MRPL3: variants seen among roughly 807,000 people sequenced by gnomAD.
MRPL3 encodes mitochondrial ribosomal protein L3.
A neutral mutation model predicts 44.3 loss-of-function variants in MRPL3; 43 were observed. The ratio of observed to expected loss-of-function variants is 0.97; its 90% confidence interval spans 0.76 to 1.25. The LOEUF is 1.25. Ranked by LOEUF, MRPL3 falls within the 50% of genes most tolerant of loss-of-function variation. MRPL3 has a pLI of 0.00. For synonymous variants in MRPL3, 171 were observed against 152.3 expected (o/e 1.12, Z -0.91); for missense variants, 406 against 427.6 (o/e 0.95, Z 0.45).
At chr3:131,501,809 T>A (rs1158070991) in intron 1 of MRPL3, 94 bp from the exon 2 acceptor site, 3 of 1,599,952 alleles carry the variant, frequency 1.9e-6, no homozygotes, top group South Asian at 1.1e-5. Context: ...GAAAGTGTAG[T>A]CAGGGCCTTG....
At chr3:131,487,602 CTG>C in intron 6 of MRPL3, 76 bp downstream of exon 6, 2 of 1,089,354 alleles carry the variant, frequency 1.8e-6, no homozygotes, top group Non-Finnish European at 2.8e-6. Context: ...ACTTGAAAGA[CTG>C]TACTTCTTTC....
At chr3:131,467,255 T>TACAC (rs756101728) in intron 9 of MRPL3, among the ~76,000 whole-genome samples, 4 of 129,702 alleles carry the variant, frequency 3.1e-5, no homozygotes, top group Admixed American at 7.9e-5. Flanking sequence ...CACACACACA[T>TACAC]ACACACACAC....
chr3:131,497,828 T>C (rs950796948), intron 4 of MRPL3, among the ~76,000 whole-genome samples: 1 of 152,132 alleles, frequency 6.6e-6, no homozygotes, highest in Admixed American at 6.5e-5. Context: ...AATAACCAAA[T>C]CTACTGAGTG....
At chr3:131,477,867 T>TC (rs1345310999) in intron 6 of MRPL3, among the ~76,000 whole-genome samples, 1 of 152,170 alleles carries the variant, frequency 6.6e-6, no homozygotes, top group Admixed American at 6.5e-5. Flanking sequence ...CCCCTTAACG[T>TC]CCCGCTCCTT....
intron 5 of MRPL3, 40 bp downstream of exon 5, chr3:131,489,941 G>A (rs980508703): frequency 3.3e-6 from 4 of 1,222,570 alleles, no homozygotes; most frequent in Non-Finnish European, 4.8e-6. Context: ...TTGCATATTT[G>A]GGTATTTTTA....
chr3:131,502,249 T>C (rs946666583), intron 1 of MRPL3, among the ~76,000 whole-genome samples: 1 of 152,216 alleles, frequency 6.6e-6, no homozygotes, highest in African/African-American at 2.4e-5. Flanking sequence ...AATTCTTGCA[T>C]GGAGGGTCAG....
intron 6 of MRPL3, among the ~76,000 whole-genome samples, chr3:131,481,806 C>A (rs1933994622): frequency 6.6e-6 from 1 of 152,156 alleles, no homozygotes; most frequent in Admixed American, 6.5e-5. Flanking sequence ...TTCACTAATA[C>A]GTTAAAAACG....
rs74948515 is a variant in MRPL3, at chr3:131,492,121, G to A, written c.469-2041C>T. On this transcript the variant is annotated intron_variant, in intron 4 of 9. Transcript: ENST00000264995. The stretch of plus-strand genomic sequence containing the variant: ...CATGACTGGCTCCCTTACTTATTCA[G>A]GTATCAATCAAAATATCAACTTACC... Among the ~76,000 whole-genome samples the A allele has an allele frequency of 9.2e-3, 1,396 of 151,972 alleles. 27 individuals are homozygous for A. The highest frequency in any genetic ancestry group is 0.032 in the African/African-American group (1,310 of 41,452).
At position 131,500,471 on chromosome 3, in the gene MRPL3, A is replaced by T. The variant is rs776834032; in HGVS notation, c.328T>A (p.Trp110Arg). Reference protein sequence around the residue: ...IALKLGMMPLWTKDGQKHVVT... With the variant: ...IALKLGMMPLRTKDGQKHVVT... ...ACATGCTTTTGACCATCCTTGGTCCATAAAGGCATCATGCCCAGCTTCAAG... is the reference window on the plus strand; with the variant it reads ...ACATGCTTTTGACCATCCTTGGTCCTTAAAGGCATCATGCCCAGCTTCAAG... The change falls in exon 3 of 10, where the codon TGG becomes AGG. Residue 110 changes from tryptophan (W) to arginine (R), a missense_variant. By Grantham distance (101) the Trp-to-Arg change is moderately radical. Transcript: ENST00000264995. The T allele has an allele frequency of 6.2e-7, 1 of 1,613,950 alleles. No individual in the cohort carries two copies. Among genetic ancestry groups the T allele is most frequent in the Non-Finnish European group, 8.5e-7 (1 of 1,179,896 alleles).
chr3:131,477,106 C>T (rs934952545), intron 6 of MRPL3, among the ~76,000 whole-genome samples: 1 of 152,196 alleles, frequency 6.6e-6, no homozygotes, highest in African/African-American at 2.4e-5. Flanking sequence ...TACCAAGAGA[C>T]ACACAGGTTT....
chr3:131,483,176 T>C (rs1157032823), intron 6 of MRPL3, among the ~76,000 whole-genome samples: 2 of 152,048 alleles, frequency 1.3e-5, no homozygotes, highest in Non-Finnish European at 2.9e-5. Flanking sequence ...CTCTAAACCA[T>C]CATCTATTCA....
chr3:131,464,522 A>G (rs1933558309), intron 9 of MRPL3, among the ~76,000 whole-genome samples: 1 of 152,078 alleles, frequency 6.6e-6, no homozygotes. Flanking sequence ...CATTCTTTTT[A>G]TGTCTATCAG....
At chr3:131,477,228 T>A (rs1423471766) in intron 6 of MRPL3, among the ~76,000 whole-genome samples, 2 of 152,228 alleles carry the variant, frequency 1.3e-5, no homozygotes, top group African/African-American at 4.8e-5. Context: ...AGGTGAAGAA[T>A]GACCATATAC....
intron 9 of MRPL3, among the ~76,000 whole-genome samples, chr3:131,467,179 T>C (rs1360227419): frequency 6.6e-6 from 1 of 152,264 alleles, no homozygotes; most frequent in Non-Finnish European, 1.5e-5. Flanking sequence ...ATTCTGTTTA[T>C]GGCTGAAGAT....
intron 6 of MRPL3, among the ~76,000 whole-genome samples, chr3:131,474,159 T>C (rs770970608): frequency 6.6e-6 from 1 of 152,132 alleles, no homozygotes; most frequent in Non-Finnish European, 1.5e-5. Context: ...AAGTGTCCAA[T>C]AACAGACAAA....
chr3:131,502,815 C>T lies in MRPL3; in HGVS notation c.7G>A (p.Gly3Ser), dbSNP rs752942271. MP[G>S]WRLLTQVGAQ... ...CCGACCTGCGTCAGCAGCCTCCAAC[C>T]CGGCATGGATTAGCCCGGGAAGACT... Residue 3 changes from glycine to serine, a missense_variant, in exon 1 of 10, where the codon GGT becomes AGT. Transcript: ENST00000264995. 4 of 1,612,100 alleles carry T rather than the reference C, an allele frequency of 2.5e-6. No individual in the cohort carries two copies. Among genetic ancestry groups the T allele is most frequent in the Non-Finnish European group, 1.7e-6 (2 of 1,179,418 alleles).
Position 131,502,927 on chromosome 3 carries a change from T to C in MRPL3, c.-106A>G, listed in dbSNP as rs1582724898. 1.9e-6 allele frequency: 2 copies of C among 1,074,292 alleles called. No homozygotes were observed. Among genetic ancestry groups the C allele is most frequent in the African/African-American group, 1.6e-5 (1 of 63,942 alleles). 66.5% of individuals were successfully genotyped at this position (1,074,292 alleles called of 1,614,324 possible). ...CGTGGACGCAGTAGCCGTGGGGAAG[T>C]TTTCGCAATGGCCGCCGGAACGGTC... On this transcript the variant is annotated 5_prime_UTR_variant, in exon 1 of 10. Coordinates refer to ENST00000264995, the MANE Select transcript of MRPL3 (RefSeq NM_007208.4).
Position 131,501,577 on chromosome 3 carries a change from C to G in MRPL3, c.231G>C (p.Leu77=), listed in dbSNP as rs1207985813. Reference sequence around the variant, plus strand: ...GCCATGGTTCATCTTTCAGAGGACACAGTTTACTTGCTAATTGGGCTTTAT... The same window carrying G: ...GCCATGGTTCATCTTTCAGAGGACAGAGTTTACTTGCTAATTGGGCTTTAT... ...DEDKAQLASK[L]CPLKDEPWPI... The change falls in exon 2 of 10, where the codon CTG becomes CTC. Residue 77 remains leucine (L), a synonymous_variant. Coordinates refer to ENST00000264995, the MANE Select transcript of MRPL3 (RefSeq NM_007208.4). 2 of 1,612,032 alleles carry G rather than the reference C, an allele frequency of 1.2e-6. No individual in the cohort carries two copies. The highest frequency in any genetic ancestry group is 1.7e-6 in the Non-Finnish European group (2 of 1,179,950).
At position 131,494,182 on chromosome 3, in the gene MRPL3, A is replaced by G. The variant is rs57956989; in HGVS notation, c.468+3997T>C. Among the ~76,000 whole-genome samples, 952 of 152,324 alleles carry G rather than the reference A, an allele frequency of 6.2e-3. 12 individuals are homozygous for G. Among genetic ancestry groups the G allele is most frequent in the South Asian group, 0.03 (143 of 4,828 alleles). The stretch of plus-strand genomic sequence containing the variant: ...TTTGATGTCCACTGAAGACTGTTCT[A>G]TACCTCACAAGAGTTCTCTCAAGAA... On this transcript the variant is annotated intron_variant, in intron 4 of 9. Coordinates refer to ENST00000264995, the MANE Select transcript of MRPL3 (RefSeq NM_007208.4).
Sources: gnomAD v4.1 joint callset for allele counts (sites outside exome capture counted in the v4.1 genomes callset) on GRCh38, gnomAD v4.1.1 for gene constraint, MANE v1.5 for transcripts, NCBI Gene and HGNC (gene_info 2026-07-23, HGNC 2026-07-21) for gene names.